Variants in WARS2 observed in about 807,000 individuals in gnomAD.
WARS2 encodes the protein tryptophanyl tRNA synthetase 2, mitochondrial.
In WARS2, 28 loss-of-function variants were observed where a neutral mutation model predicts 36.5. The ratio of observed to expected loss-of-function variants is 0.77; its 90% confidence interval spans 0.57 to 1.05. The LOEUF (loss-of-function observed/expected upper bound fraction) is 1.05. Among genes scored for constraint, WARS2 ranks in the 50% least tolerant of loss-of-function variants. WARS2 has a pLI of 0.00. For missense variants in WARS2, 435 were observed against 456.8 expected, an observed-to-expected ratio of 0.95 and a Z score of 0.44; for synonymous variants, 174 against 178.4, an observed-to-expected ratio of 0.98 and a Z score of 0.20.
chr1:119,045,367 G>T (rs147870443), intron 3 of WARS2, among the ~76,000 whole-genome samples: 99 of 152,284 alleles, frequency 6.5e-4, no homozygotes, highest in Middle Eastern at 3.4e-3. Context: ...ACTGTACACA[G>T]ATAAAAACAA....
At chr1:119,075,227 A>T (rs1222860388) in intron 2 of WARS2, among the ~76,000 whole-genome samples, 1 of 152,178 alleles carries the variant, frequency 6.6e-6, no homozygotes, top group Non-Finnish European at 1.5e-5. Context: ...ATAGAAAAAT[A>T]ATACAAATTA....
intron 2 of WARS2, among the ~76,000 whole-genome samples, chr1:119,047,973 A>ACTTG (rs1380251985): frequency 7.2e-5 from 11 of 152,334 alleles, no homozygotes; most frequent in Middle Eastern, 3.4e-3. Context: ...GTAGAAAGTA[A>ACTTG]CTTGGTACAT....
chr1:119,126,410 G>A, intron 1 of WARS2: 1 of 345,530 alleles, frequency 2.9e-6, no homozygotes, highest in Non-Finnish European at 5.3e-6. Context: ...GCCTAGCACT[G>A]TTCTACATCG....
chr1:119,104,664 T>C (rs1280409787), intron 1 of WARS2, among the ~76,000 whole-genome samples: 1 of 149,638 alleles, frequency 6.7e-6, no homozygotes, highest in Non-Finnish European at 1.5e-5. Context: ...AATGGAGAAT[T>C]CCCTACTTTA....
At chr1:119,081,058 C>T (rs1209533031) in intron 1 of WARS2, among the ~76,000 whole-genome samples, 1 of 152,190 alleles carries the variant, frequency 6.6e-6, no homozygotes, top group Non-Finnish European at 1.5e-5. Context: ...ACAGAACCAG[C>T]AGTACCAAAT....
intron 4 of WARS2, 140 bp downstream of exon 4, chr1:119,042,124 G>T: frequency 1.6e-6 from 1 of 615,230 alleles, no homozygotes; most frequent in South Asian, 2.5e-5. Context: ...AGTATTTCTG[G>T]GGAATAGATA....
At chr1:119,121,145 C>T (rs990689621) in intron 1 of WARS2, among the ~76,000 whole-genome samples, 3 of 151,954 alleles carry the variant, frequency 2.0e-5, no homozygotes, top group Non-Finnish European at 4.4e-5. Context: ...CCTAGAAAAC[C>T]CAAAGATTCA....
At chr1:119,138,747 T>A (rs1351641540) in intron 1 of WARS2, among the ~76,000 whole-genome samples, 1 of 151,988 alleles carries the variant, frequency 6.6e-6, no homozygotes, top group Non-Finnish European at 1.5e-5. Context: ...AGATTTATAC[T>A]TTAAAAAAAT....
chr1:119,104,925 C>CT (rs1654130713), intron 1 of WARS2, among the ~76,000 whole-genome samples: 4 of 152,080 alleles, frequency 2.6e-5, no homozygotes, highest in Admixed American at 2.0e-4. Flanking sequence ...GGAGCTTGGA[C>CT]TGGCAAATGA....
chr1:119,061,411 C>T (rs1650368262), intron 2 of WARS2, among the ~76,000 whole-genome samples: 1 of 152,014 alleles, frequency 6.6e-6, no homozygotes, highest in Non-Finnish European at 1.5e-5. Flanking sequence ...TAAAAACATA[C>T]AATATCTGAA....
At chr1:119,104,295 A>G (rs1294296484) in intron 1 of WARS2, among the ~76,000 whole-genome samples, 1 of 151,536 alleles carries the variant, frequency 6.6e-6, no homozygotes, top group African/African-American at 2.4e-5. Context: ...CTATAATCTT[A>G]CAATAAACTT....
At chr1:119,067,891 T>G (rs1414167141) in intron 2 of WARS2, among the ~76,000 whole-genome samples, 1 of 152,090 alleles carries the variant, frequency 6.6e-6, no homozygotes, top group East Asian at 1.9e-4. Flanking sequence ...CCTGTTCCTA[T>G]GTCCAGGATA....
At chr1:119,052,687 A>T (rs1183410521) in intron 2 of WARS2, among the ~76,000 whole-genome samples, 1 of 152,140 alleles carries the variant, frequency 6.6e-6, no homozygotes, top group African/African-American at 2.4e-5. Context: ...GTGTGTGTTT[A>T]CCTGTAACAA....
chr1:119,137,367 T>C (rs1656584195), intron 1 of WARS2, among the ~76,000 whole-genome samples: 1 of 152,184 alleles, frequency 6.6e-6, no homozygotes, highest in African/African-American at 2.4e-5. Flanking sequence ...GCGTAATTCT[T>C]CATCTAATGG....
intron 1 of WARS2, among the ~76,000 whole-genome samples, chr1:119,106,661 G>A (rs2101480136): frequency 6.6e-6 from 1 of 152,246 alleles, no homozygotes; most frequent in South Asian, 2.1e-4. Context: ...TCTCTTAAGT[G>A]CTGAAGAGTG....
At chr1:119,100,032 A>G (rs1311792228) in intron 1 of WARS2, among the ~76,000 whole-genome samples, 1 of 152,240 alleles carries the variant, frequency 6.6e-6, no homozygotes, top group Non-Finnish European at 1.5e-5. Flanking sequence ...ATGGGAGAAG[A>G]TAGTTGCAAA....
chr1:119,089,778 T>C (rs587761529), intron 1 of WARS2, among the ~76,000 whole-genome samples: 2 of 152,200 alleles, frequency 1.3e-5, no homozygotes, highest in African/African-American at 2.4e-5. Flanking sequence ...ATATACACCA[T>C]GAAATTCTAT....
intron 1 of WARS2, among the ~76,000 whole-genome samples, chr1:119,116,438 T>C (rs925989106): frequency 6.6e-6 from 1 of 152,154 alleles, no homozygotes; most frequent in African/African-American, 2.4e-5. Context: ...AGACTCACAT[T>C]GTGAACTTTG....
At chr1:119,041,495 G>A (rs1648364078) in intron 4 of WARS2, among the ~76,000 whole-genome samples, 1 of 152,124 alleles carries the variant, frequency 6.6e-6, no homozygotes, top group African/African-American at 2.4e-5. Flanking sequence ...GAAAAGTACA[G>A]GTACCCTACA....
Sources: allele counts gnomAD v4.1 joint callset (sites outside exome capture counted in the v4.1 genomes callset), GRCh38; gene constraint gnomAD v4.1.1; transcripts MANE v1.5; gene names NCBI Gene and HGNC (gene_info 2026-07-23, HGNC 2026-07-21).